YY1: variants seen among roughly 807,000 people sequenced by gnomAD.
YY1 encodes the protein YY1 transcription factor, also known as transcriptional repressor protein YY1.
Under a neutral mutation model 35.6 loss-of-function variants are expected in YY1, and 2 were observed. That is an observed-to-expected ratio of 0.06 (90% CI 0.02 to 0.18). YY1 has a LOEUF of 0.18. Among genes scored for constraint, YY1 ranks in the 10% least tolerant of loss-of-function variants. The probability of loss-of-function intolerance (pLI) is 1.00; values close to 1 mark genes in which losing one functional copy is unlikely to be tolerated. For missense variants in YY1, 322 were observed against 573.4 expected, an observed-to-expected ratio of 0.56 and a Z score of 4.48; for synonymous variants, 268 against 238.9, an observed-to-expected ratio of 1.12 and a Z score of -1.12.
At position 100,260,515 on chromosome 14, in the gene YY1, C is replaced by T. The variant is rs1484281665; in HGVS notation, c.680-1789C>T. Among the ~76,000 whole-genome samples, 3 of 149,850 alleles carry T rather than the reference C, an allele frequency of 2.0e-5. No individual in the cohort carries two copies. In the Admixed American group the frequency reaches 2.0e-4, roughly 10 times the overall value. On this transcript the variant is annotated intron_variant, in intron 1 of 4. Coordinates refer to ENST00000262238, the MANE Select transcript of YY1 (RefSeq NM_003403.5). The stretch of plus-strand genomic sequence containing the variant: ...TGAGACAGAGTCTCGCTCTGTCACC[C>T]AGGCTGGAGTACAGTGGCACAATCT...
At chr14:100,247,097 G>A (rs74087529) in intron 1 of YY1, among the ~76,000 whole-genome samples, 4,613 of 152,274 alleles carry the variant, frequency 0.03, 256 homozygotes, top group African/African-American at 0.11. Flanking sequence ...TATTTTATAG[G>A]CTTTTGGAAG....
chr14:100,264,583 A>G (rs7153665), intron 2 of YY1, among the ~76,000 whole-genome samples: 95,608 of 152,034 alleles, frequency 0.63, 30,267 homozygotes, highest in South Asian at 0.81. Flanking sequence ...GATGAATCCT[A>G]GGCCAGGCTG....
intron 1 of YY1, 100 bp from the exon 2 acceptor site, chr14:100,262,204 G>A (rs1566776724): frequency 7.8e-7 from 1 of 1,287,128 alleles, no homozygotes; most frequent in East Asian, 2.5e-5. Flanking sequence ...TGAGCTGGTG[G>A]CTATAAATCA....
At chr14:100,273,927 T>C (rs1367751931) in intron 2 of YY1, among the ~76,000 whole-genome samples, 2 of 152,114 alleles carry the variant, frequency 1.3e-5, no homozygotes, top group Non-Finnish European at 2.9e-5. Flanking sequence ...TAATTTCACC[T>C]GGGGCTCTGC....
At chr14:100,265,830 A>C (rs926760088) in intron 2 of YY1, among the ~76,000 whole-genome samples, 2 of 151,738 alleles carry the variant, frequency 1.3e-5, no homozygotes, top group African/African-American at 4.8e-5. Flanking sequence ...TGTATTTTTC[A>C]TAGAGACAAG....
At position 100,239,240 on chromosome 14, in the gene YY1, C is replaced by G. The variant is rs1465024541; in HGVS notation, c.-5C>G. The G allele has an allele frequency of 5.2e-6, 8 of 1,535,942 alleles. No individual in the cohort carries two copies. In the African/African-American group the frequency reaches 1.1e-4, roughly 22 times the overall value. On this transcript the variant is annotated 5_prime_UTR_variant, in exon 1 of 5. Coordinates refer to ENST00000262238, the MANE Select transcript of YY1 (RefSeq NM_003403.5). ...GCCGCGGCCGTGGCGGCGGAGCCCT[C>G]AGCCATGGCCTCGGGCGACACCCTC...
At chr14:100,243,015 G>A (rs893738918) in intron 1 of YY1, among the ~76,000 whole-genome samples, 4 of 152,162 alleles carry the variant, frequency 2.6e-5, no homozygotes, top group African/African-American at 9.7e-5. Flanking sequence ...ACATAGGATG[G>A]CCTGTTTCTC....
rs751597725 is a variant in YY1, at chr14:100,277,967, C to T, written c.*367C>T. 3.1e-5 allele frequency: 7 copies of T among 227,514 alleles called. No individual in the cohort carries two copies. The highest frequency in any genetic ancestry group is 6.1e-5 in the Non-Finnish European group (7 of 113,956). The allele number at this position is 227,514 out of a possible 1,614,324, so 14.1% of individuals were successfully genotyped here. A position where few individuals can be genotyped will look rare whatever the true frequency, so the allele number is the denominator to read the frequency against. On this transcript the variant is annotated 3_prime_UTR_variant, in exon 5 of 5. Transcript: ENST00000262238. This position sits in a 1 kb window ranked among gnomAD's most constrained non-coding sequence, Gnocchi z 5.6. ...AAATATGAAGCTCACCTGTTGCTTA[C>T]AATTTTTTTAATTTTGTATTTTCCA...
chr14:100,248,282 AT>A (rs1469170373), intron 1 of YY1, among the ~76,000 whole-genome samples: 2 of 151,272 alleles, frequency 1.3e-5, no homozygotes, highest in Admixed American at 6.6e-5. Flanking sequence ...CGCCTGGCTA[AT>A]TTTTTTTCTT....
At chr14:100,240,577 A>T (rs1380201871) in intron 1 of YY1, among the ~76,000 whole-genome samples, 1 of 151,804 alleles carries the variant, frequency 6.6e-6, no homozygotes, top group African/African-American at 2.4e-5. Flanking sequence ...GCCGGGCTGG[A>T]CCCTGCCCCG....
At chr14:100,272,339 G>C (rs866508782) in intron 2 of YY1, among the ~76,000 whole-genome samples, 1 of 151,510 alleles carries the variant, frequency 6.6e-6, no homozygotes, top group African/African-American at 2.4e-5. Context: ...AAATGTTCTC[G>C]TAGAATTTAA....
At position 100,280,630 on chromosome 14, in the gene YY1, C is replaced by A. The variant is rs1236881045; in HGVS notation, c.*3030C>A. ...GATTTTTTTTTTCCTATTTGGTTTT[C>A]ATGTAAAAGTTCTAAATGTCACTTA... is the stretch of plus-strand genomic sequence containing the variant. On this transcript the variant is annotated 3_prime_UTR_variant, in exon 5 of 5. Coordinates refer to ENST00000262238, the MANE Select transcript of YY1 (RefSeq NM_003403.5). 6.6e-6 allele frequency: 1 copy of A among 151,784 alleles called. No homozygotes were observed. The highest frequency in any genetic ancestry group is 1.5e-5 in the Non-Finnish European group (1 of 67,964). 9.4% of individuals were successfully genotyped at this position (151,784 alleles called of 1,614,324 possible).
chr14:100,239,962 T>C, intron 1 of YY1, 39 bp downstream of exon 1: 1 of 1,505,042 alleles, frequency 6.6e-7, no homozygotes, highest in Non-Finnish European at 8.8e-7. Flanking sequence ...GGGATGTTTT[T>C]GTTTTGAAGG....
intron 2 of YY1, among the ~76,000 whole-genome samples, chr14:100,262,857 T>G (rs907105784): frequency 2.6e-5 from 4 of 152,226 alleles, no homozygotes; most frequent in African/African-American, 9.6e-5. Context: ...GCACGTAATT[T>G]GTTTTGGAAT....
At position 100,258,149 on chromosome 14, in the gene YY1, G is replaced by A. The variant is rs143971445; in HGVS notation, c.680-4155G>A. Among the ~76,000 whole-genome samples the A allele has an allele frequency of 2.4e-3, 367 of 152,000 alleles. 1 individual carries two copies. Among genetic ancestry groups the A allele is most frequent in the African/African-American group, 8.4e-3 (350 of 41,450 alleles). On this transcript the variant is annotated intron_variant, in intron 1 of 4. Transcript: ENST00000262238. ...TGTGTCAAAAAAAAAAGAAAAGAAAGAAATATAAAACATGAGGACAAATAG... is the reference window on the plus strand; with the variant it reads ...TGTGTCAAAAAAAAAAGAAAAGAAAAAAATATAAAACATGAGGACAAATAG...
chr14:100,276,749 C>T lies in YY1; in HGVS notation c.1062+101C>T. On this transcript the variant is annotated intron_variant, in intron 4 of 4. Transcript: ENST00000262238. This position sits in a 1 kb window ranked among gnomAD's most constrained non-coding sequence, Gnocchi z 4.1. ...GGCAGGAGGCGCCAGCCCAGAGACT[C>T]AGGGTCTTATTACTCCTTGGTGAGA... 6.4e-7 allele frequency: 1 copy of T among 1,569,712 alleles called. No individual in the cohort carries two copies. The highest frequency in any genetic ancestry group is 8.7e-7 in the Non-Finnish European group (1 of 1,149,746).
intron 1 of YY1, among the ~76,000 whole-genome samples, chr14:100,254,960 T>TC (rs1890982877): frequency 8.0e-6 from 1 of 125,172 alleles, no homozygotes; most frequent in Admixed American, 8.3e-5. Context: ...TTTTTTTTTT[T>TC]TTTTTTTTTG....
chr14:100,263,058 C>T (rs1209580017), intron 2 of YY1, among the ~76,000 whole-genome samples: 1 of 152,204 alleles, frequency 6.6e-6, no homozygotes, highest in African/African-American at 2.4e-5. Context: ...CATGCGTGTG[C>T]CACCACGCCC....
Position 100,280,461 on chromosome 14 carries a change from G to A in YY1, c.*2861G>A, listed in dbSNP as rs548939085. The stretch of plus-strand genomic sequence containing the variant: ...CCCCTTTTTGGTAGTGGAGTTGAGA[G>A]GGGGAGCATACTATTTGTATAAAGA... On this transcript the variant is annotated 3_prime_UTR_variant, in exon 5 of 5. Coordinates refer to ENST00000262238, the MANE Select transcript of YY1 (RefSeq NM_003403.5). 6.6e-6 allele frequency: 1 copy of A among 152,228 alleles called. No homozygotes were observed. Among genetic ancestry groups the A allele is most frequent in the Admixed American group, 6.5e-5 (1 of 15,302 alleles). 9.4% of individuals were successfully genotyped at this position (152,228 alleles called of 1,614,324 possible). A position where few individuals can be genotyped will look rare whatever the true frequency, so the allele number is the denominator to read the frequency against.
Sources: gnomAD v4.1 joint callset for allele counts (sites outside exome capture counted in the v4.1 genomes callset) on GRCh38, gnomAD v4.1.1 for gene constraint, Gnocchi (gnomAD v3.1) non-coding constraint, MANE v1.5 for transcripts, NCBI Gene and HGNC (gene_info 2026-07-23, HGNC 2026-07-21) for gene names.